The following SUPT3H variants were observed in gnomAD, a reference collection of about 807,000 sequenced individuals.
SUPT3H encodes the protein transcription initiation protein SPT3 homolog.
In SUPT3H, 44 loss-of-function variants were observed where a neutral mutation model predicts 44.3. The ratio of observed to expected loss-of-function variants is 0.99; its 90% confidence interval spans 0.78 to 1.28. SUPT3H has a LOEUF of 1.28. SUPT3H is among the 50% of genes most tolerant of loss of function. SUPT3H has a pLI of 0.00. For synonymous variants in SUPT3H, 124 were observed against 125.6 expected (o/e 0.99, Z 0.09); for missense variants, 380 against 387.1 (o/e 0.98, Z 0.15).
At chr6:45,371,495 A>G (rs1186008044) in intron 1 of SUPT3H, among the ~76,000 whole-genome samples, 1 of 152,028 alleles carries the variant, frequency 6.6e-6, no homozygotes, top group African/African-American at 2.4e-5. Flanking sequence ...AATAAACAAC[A>G]GGCTTTGATC....
At chr6:45,059,822 T>C (rs1791697188) in intron 3 of SUPT3H, among the ~76,000 whole-genome samples, 1 of 151,992 alleles carries the variant, frequency 6.6e-6, no homozygotes, top group South Asian at 2.1e-4. Flanking sequence ...GAGAGCCAAA[T>C]CATAAATGAA....
intron 2 of SUPT3H, among the ~76,000 whole-genome samples, chr6:45,297,366 A>G (rs538186193): frequency 6.6e-6 from 1 of 152,344 alleles, no homozygotes; most frequent in South Asian, 2.1e-4. Context: ...TCTCATAGGC[A>G]TAACAAAGCT....
chr6:44,838,139 T>C (rs1417209900), intron 10 of SUPT3H, among the ~76,000 whole-genome samples: 5 of 152,222 alleles, frequency 3.3e-5, no homozygotes, highest in Non-Finnish European at 5.9e-5. Flanking sequence ...TAGTTAATAA[T>C]ATCAATTACA....
intron 6 of SUPT3H, among the ~76,000 whole-genome samples, chr6:44,971,105 T>C (rs1167747912): frequency 6.6e-6 from 1 of 152,238 alleles, no homozygotes; most frequent in African/African-American, 2.4e-5. Flanking sequence ...ATGTGATTTA[T>C]CTTAGTTTTT....
intron 4 of SUPT3H, among the ~76,000 whole-genome samples, chr6:45,017,264 G>T (rs1334202112): frequency 1.3e-5 from 2 of 149,440 alleles, no homozygotes; most frequent in Non-Finnish European, 3.0e-5. Flanking sequence ...CAGATGAGTA[G>T]GTTGTGAAAA....
intron 10 of SUPT3H, among the ~76,000 whole-genome samples, chr6:44,868,893 A>C (rs1775923840): frequency 6.6e-6 from 1 of 152,214 alleles, no homozygotes; most frequent in Non-Finnish European, 1.5e-5. Context: ...CTCTGTGCTG[A>C]CAATTTCCCC....
chr6:45,238,855 A>G (rs1179734555), intron 2 of SUPT3H, among the ~76,000 whole-genome samples: 1 of 152,190 alleles, frequency 6.6e-6, no homozygotes, highest in Non-Finnish European at 1.5e-5. Flanking sequence ...TGGCAAACCC[A>G]TTTAGCTGAC....
chr6:45,297,093 GA>G lies in SUPT3H; in HGVS notation c.101+68107del, dbSNP rs990261644. 1.8e-3 allele frequency among the ~76,000 whole-genome samples: 255 copies of G among 142,838 alleles called. 1 individual carries two copies. The Middle Eastern group carries it at 0.032, about 18-fold the overall frequency. The allele number at this position is 142,838 out of a possible 152,430, so 93.7% of individuals were successfully genotyped here. ...AAATAAATTTAAAAAAAAAAAAAAGGAAAAAAAAATGATGTGCTTCATCCCC... is the reference window on the plus strand; with the variant it reads ...AAATAAATTTAAAAAAAAAAAAAAGGAAAAAAAATGATGTGCTTCATCCCC... On this transcript the variant is annotated intron_variant, in intron 2 of 10. Coordinates refer to ENST00000371459, the MANE Select transcript of SUPT3H (RefSeq NM_003599.4).
intron 10 of SUPT3H, among the ~76,000 whole-genome samples, chr6:44,846,541 G>T (rs1405433248): frequency 6.6e-6 from 1 of 152,150 alleles, no homozygotes; most frequent in Non-Finnish European, 1.5e-5. Context: ...GACCAGGATA[G>T]ATGTCTATAT....
In SUPT3H at chr6:44,900,539, T is replaced by G. The variant is rs184397299; in HGVS notation, c.912+32114A>C. On this transcript the variant is annotated intron_variant, in intron 10 of 10. Coordinates refer to ENST00000371459, the MANE Select transcript of SUPT3H (RefSeq NM_003599.4). The stretch of plus-strand genomic sequence containing the variant: ...AAGCGGCCAGGAAGCTCGAACTGGG[T>G]GGAGCCCACCACAACTCAAGGAGGC... 6.3e-3 allele frequency among the ~76,000 whole-genome samples: 962 copies of G among 152,280 alleles called. 17 individuals carry two copies. The highest frequency in any genetic ancestry group is 0.022 in the African/African-American group (909 of 41,552).
intron 9 of SUPT3H, among the ~76,000 whole-genome samples, chr6:44,941,698 G>A (rs1562095748): frequency 6.6e-6 from 1 of 152,070 alleles, no homozygotes; most frequent in Non-Finnish European, 1.5e-5. Context: ...AGATGAAAGA[G>A]TGAAAATACG....
Position 45,084,976 on chromosome 6 carries a change from AG to A in SUPT3H, c.186+20945del, listed in dbSNP as rs548681815. Among the ~76,000 whole-genome samples, 1,375 of 152,036 alleles carry A rather than the reference AG, an allele frequency of 9.0e-3. 14 individuals carry two copies. The highest frequency in any genetic ancestry group is 0.028 in the South Asian group (136 of 4,818). On this transcript the variant is annotated intron_variant, in intron 3 of 10. Coordinates refer to ENST00000371459, the MANE Select transcript of SUPT3H (RefSeq NM_003599.4). ...GAACTATAGGAGGTAAGAGGGAGGG[AG>A]GGGGCCAAGGGTTTAAAACTACCTG... is the stretch of plus-strand genomic sequence containing the variant.
At chr6:45,158,178 A>T (rs945675011) in intron 2 of SUPT3H, among the ~76,000 whole-genome samples, 19 of 143,850 alleles carry the variant, frequency 1.3e-4, no homozygotes, top group Non-Finnish European at 2.7e-4. Context: ...ACAATCATTT[A>T]ATTGGTCTGG....
chr6:45,098,794 G>A (rs1278676251), intron 3 of SUPT3H: 6 of 523,918 alleles, frequency 1.1e-5, no homozygotes, highest in South Asian at 5.8e-5. Context: ...ATTGATTACT[G>A]TTGTTCAGAG....
chr6:44,856,873 G>A (rs948087588), intron 10 of SUPT3H, among the ~76,000 whole-genome samples: 11 of 152,178 alleles, frequency 7.2e-5, no homozygotes, highest in Non-Finnish European at 1.6e-4. Flanking sequence ...CAAAGGTAAT[G>A]ATTCCGTTGA....
chr6:45,241,230 G>A (rs961229726), intron 2 of SUPT3H, among the ~76,000 whole-genome samples: 3 of 151,800 alleles, frequency 2.0e-5, no homozygotes, highest in African/African-American at 7.3e-5. Flanking sequence ...CTTGCCATAA[G>A]CTGGCCCCAA....
At chr6:45,144,788 G>C (rs1805770087) in intron 2 of SUPT3H, among the ~76,000 whole-genome samples, 1 of 151,956 alleles carries the variant, frequency 6.6e-6, no homozygotes, top group South Asian at 2.1e-4. Flanking sequence ...TCCTAGATTT[G>C]ATAAATGAAT....
At chr6:45,074,075 A>AT (rs1409176029) in intron 3 of SUPT3H, among the ~76,000 whole-genome samples, 2 of 152,118 alleles carry the variant, frequency 1.3e-5, no homozygotes, top group Middle Eastern at 3.4e-3. Context: ...TGTTAACTCT[A>AT]TATGTAATTT....
At chr6:45,230,063 A>G (rs924774572) in intron 2 of SUPT3H, among the ~76,000 whole-genome samples, 1 of 152,136 alleles carries the variant, frequency 6.6e-6, no homozygotes, top group Non-Finnish European at 1.5e-5. Flanking sequence ...AGTCCCAGAT[A>G]TGAGTGATAA....
Sources: allele counts gnomAD v4.1 joint callset (sites outside exome capture counted in the v4.1 genomes callset), GRCh38; gene constraint gnomAD v4.1.1; transcripts MANE v1.5; gene names NCBI Gene and HGNC (gene_info 2026-07-23, HGNC 2026-07-21).